Variants in JUP observed in about 807,000 individuals in gnomAD.
JUP encodes junction plakoglobin, also known as catenin (cadherin-associated protein), gamma 80kDa.
JUP carries 28 observed loss-of-function variants against 71.1 expected under a neutral mutation model. The observed-to-expected ratio is 0.39, with a 90% CI of 0.29 to 0.54. JUP has a LOEUF of 0.54. JUP is among the 20% of genes least tolerant of loss of function. JUP has a pLI of 0.62. For synonymous variants in JUP, 401 were observed against 438.9 expected (o/e 0.91, Z 1.08); for missense variants, 869 against 1,030.1 (o/e 0.84, Z 2.14).
chr17:41,769,248 A>T (rs782606879), intron 3 of JUP, 41 bp from the exon 4 acceptor site: 1 of 1,585,162 alleles, frequency 6.3e-7, no homozygotes, highest in Admixed American at 1.7e-5. Flanking sequence ...AGCACTAAGG[A>T]GAGGCCGGGA....
chr17:41,782,008 G>A (rs1248582101), intron 1 of JUP, among the ~76,000 whole-genome samples: 6 of 152,118 alleles, frequency 3.9e-5, no homozygotes, highest in African/African-American at 1.2e-4. Context: ...CCTTCTCCAC[G>A]ATCAATAATC....
At chr17:41,764,134 G>A (rs915654855) in intron 7 of JUP, among the ~76,000 whole-genome samples, 2 of 152,216 alleles carry the variant, frequency 1.3e-5, no homozygotes, top group East Asian at 3.9e-4. Flanking sequence ...TTGTTGGAAG[G>A]AGGCACAGGG....
rs143043662 is a variant in JUP, at chr17:41,757,519, C to T, written c.1942G>A (p.Val648Ile). The T allele has an allele frequency of 0.011, 17,103 of 1,614,148 alleles. 113 individuals are homozygous for T. The highest frequency in any genetic ancestry group is 0.013 in the Non-Finnish European group (15,266 of 1,180,004). Residue 648 changes from valine (V) to isoleucine (I), a missense_variant, in exon 12 of 14, where the codon GTC becomes ATC. By Grantham distance (29) the Val-to-Ile change is conservative. Coordinates refer to ENST00000393931, the MANE Select transcript of JUP (RefSeq NM_002230.4). ...NEGTATYAAA[V>I]LFRISEDKNP... is the part of the protein sequence containing the mutation. ...TTGTCCTCGGAGATGCGGAACAGGA[C>T]GGCAGCAGCGTAGGTGGCTGAGCAG...
chr17:41,783,583 C>A (rs913187380), intron 1 of JUP, among the ~76,000 whole-genome samples: 18 of 152,068 alleles, frequency 1.2e-4, no homozygotes, highest in African/African-American at 3.4e-4. Flanking sequence ...CTGAGCCATC[C>A]AGCCTGGCCA....
In JUP at chr17:41,758,722, G is replaced by A; in HGVS notation, c.1646C>T (p.Pro549Leu). Residue 549 changes from proline to leucine, a missense_variant, in exon 9 of 14, where the codon CCC becomes CTC. By Grantham distance (98) the Pro-to-Leu change is moderately conservative (BLOSUM62 -3). Transcript: ENST00000393931. ...QRHVAAGTQQ[P>L]YTDGVRMEEI... ...CACCACCAGCTCACATACCGTGTAG[G>A]GCTGCTGTGTGCCTGCAGCTACGTG... The A allele has an allele frequency of 1.2e-6, 2 of 1,600,760 alleles. No homozygotes were observed. Among genetic ancestry groups the A allele is most frequent in the Non-Finnish European group, 1.7e-6 (2 of 1,173,882 alleles).
In JUP at chr17:41,755,684, A is replaced by G. The variant is rs1913576434; in HGVS notation, c.*60T>C. The G allele has an allele frequency of 2.8e-6, 4 of 1,446,414 alleles. No individual in the cohort carries two copies. Among genetic ancestry groups the G allele is most frequent in the Non-Finnish European group, 2.8e-6 (3 of 1,085,158 alleles). 89.6% of individuals were successfully genotyped at this position (1,446,414 alleles called of 1,614,324 possible). On this transcript the variant is annotated 3_prime_UTR_variant, in exon 14 of 14. Coordinates refer to ENST00000393931, the MANE Select transcript of JUP (RefSeq NM_002230.4). ...GGGAGATGGGAGGGCCTCCAACAGA[A>G]GGAGGTTCTAGAGAGGAGGAAAAGC...
chr17:41,767,285 A>G lies in JUP; in HGVS notation c.909+94T>C. 4 of 997,868 alleles carry G rather than the reference A, an allele frequency of 4.0e-6. No homozygotes were observed. The East Asian group carries it at 7.3e-5, about 18-fold the overall frequency. The allele number at this position is 997,868 out of a possible 1,614,324, so 61.8% of individuals were successfully genotyped here. The stretch of plus-strand genomic sequence containing the variant: ...GTATATCTGCACCTATATCTCATCT[A>G]AAAGGAGTAAGGGGGCAGCGGCCCA... On this transcript the variant is annotated intron_variant, in intron 5 of 13. Coordinates refer to ENST00000393931, the MANE Select transcript of JUP (RefSeq NM_002230.4).
intron 1 of JUP, chr17:41,772,134 A>C: frequency 1.8e-6 from 1 of 543,132 alleles, no homozygotes. Flanking sequence ...CAGGGGGATG[A>C]GCCCCAGGGG....
intron 1 of JUP, among the ~76,000 whole-genome samples, chr17:41,773,708 C>T (rs1483229219): frequency 6.6e-6 from 1 of 152,102 alleles, no homozygotes; most frequent in Admixed American, 6.5e-5. Context: ...GCGGGGTGCT[C>T]GGAGAAGGCA....
intron 1 of JUP, among the ~76,000 whole-genome samples, chr17:41,781,145 C>T (rs1242527303): frequency 6.7e-6 from 1 of 148,440 alleles, no homozygotes; most frequent in East Asian, 2.0e-4. Flanking sequence ...CGTGCCACTG[C>T]ACTCCAGCCT....
At chr17:41,762,083 T>A (rs1914898869) in intron 8 of JUP, among the ~76,000 whole-genome samples, 1 of 123,342 alleles carries the variant, frequency 8.1e-6, no homozygotes, top group Non-Finnish European at 1.6e-5. Flanking sequence ...AAAAAAGACA[T>A]ACAGAATGGC....
intron 7 of JUP, among the ~76,000 whole-genome samples, chr17:41,763,672 T>C (rs1915252144): frequency 6.6e-6 from 1 of 151,998 alleles, no homozygotes; most frequent in African/African-American, 2.4e-5. Flanking sequence ...CAAAGTACGG[T>C]GGCCAAGGGA....
At position 41,758,750 on chromosome 17, in the gene JUP, G is replaced by A. The variant is rs782455234; in HGVS notation, c.1618C>T (p.Arg540Cys). ...TGCTGTGTGCCTGCAGCTACGTGGC[G>A]CTGGGCATCCTGGTGGGCCTTCACC... ...LLVKAHQDAQRHVAAGTQQPY... is the reference protein window; with the variant it reads ...LLVKAHQDAQCHVAAGTQQPY... Residue 540 changes from arginine (R) to cysteine (C), a missense_variant, in exon 9 of 14, where the codon CGC (arginine) becomes TGC (cysteine). Arg to Cys is a radical substitution (Grantham distance 180). Coordinates refer to ENST00000393931, the MANE Select transcript of JUP (RefSeq NM_002230.4). The A allele has an allele frequency of 9.3e-6, 15 of 1,606,860 alleles. No individual in the cohort carries two copies. The highest frequency in any genetic ancestry group is 1.7e-4 in the Middle Eastern group (1 of 6,000).
rs117212735 is a variant in JUP, at chr17:41,757,875, C to A, written c.1774-91G>T. The stretch of plus-strand genomic sequence containing the variant: ...CCCCACAGCACTGCCCACCTCCACC[C>A]TGTAGCAATTCCATAGTGGAAAATG... On this transcript the variant is annotated intron_variant, in intron 10 of 13. Coordinates refer to ENST00000393931, the MANE Select transcript of JUP (RefSeq NM_002230.4). The A allele has an allele frequency of 1.4e-3, 1,576 of 1,097,986 alleles. 4 individuals are homozygous for A. The highest frequency in any genetic ancestry group is 1.9e-3 in the Non-Finnish European group (1,468 of 762,752). 68.0% of individuals were successfully genotyped at this position (1,097,986 alleles called of 1,614,324 possible).
chr17:41,782,679 A>T (rs1270932893), intron 1 of JUP, among the ~76,000 whole-genome samples: 1 of 152,124 alleles, frequency 6.6e-6, no homozygotes, highest in Non-Finnish European at 1.5e-5. Context: ...GGGAGATTTA[A>T]GTGGGCTGGT....
intron 1 of JUP, chr17:41,775,968 C>T: frequency 1.0e-6 from 1 of 985,372 alleles, no homozygotes. Context: ...AAAAATAGCC[C>T]CACCAGAGCT....
At chr17:41,757,350 G>C in intron 12 of JUP, 65 bp downstream of exon 12, 1 of 1,572,366 alleles carries the variant, frequency 6.4e-7, no homozygotes, top group Non-Finnish European at 8.8e-7. Context: ...ACCCCCAAAA[G>C]TGTTGCCCAT....
intron 9 of JUP, 60 bp downstream of exon 9, chr17:41,758,655 C>A: frequency 6.3e-7 from 1 of 1,589,250 alleles, no homozygotes; most frequent in Admixed American, 1.8e-5. Context: ...CACACACACA[C>A]CCACAGAGGA....
chr17:41,769,683 G>A lies in JUP; in HGVS notation c.209-6C>T. ...CATCTGGTACTCCAGATCACCTGGG[G>A]GCCATGGGGACAGGGACTGAGTGCA... On this transcript the variant is annotated splice_region_variant and splice_polypyrimidine_tract_variant and intron_variant, in intron 2 of 13. Transcript: ENST00000393931. 6.2e-7 allele frequency: 1 copy of A among 1,607,402 alleles called. No individual in the cohort carries two copies. Among genetic ancestry groups the A allele is most frequent in the South Asian group, 1.1e-5 (1 of 89,510 alleles).
Sources: gnomAD v4.1 joint callset for allele counts (sites outside exome capture counted in the v4.1 genomes callset) on GRCh38, gnomAD v4.1.1 for gene constraint, MANE v1.5 for transcripts, NCBI Gene and HGNC (gene_info 2026-07-23, HGNC 2026-07-21) for gene names.